The following NAT8L variants were observed in gnomAD, a reference collection of about 807,000 sequenced individuals.
The protein encoded by NAT8L is aspartate N-acetyltransferase.
A neutral mutation model predicts 21.2 loss-of-function variants in NAT8L; 6 were observed. That is an observed-to-expected ratio of 0.28 (90% CI 0.16 to 0.56). The LOEUF is 0.56. Among genes scored for constraint, NAT8L ranks in the 20% least tolerant of loss-of-function variants. NAT8L has a pLI of 0.93. For missense variants in NAT8L, 331 were observed against 433.3 expected (o/e 0.76, Z 2.10); for synonymous variants, 239 against 204.9 (o/e 1.17, Z -1.42).
Position 2,063,197 on chromosome 4 carries a change from G to A in NAT8L, c.542-563G>A, listed in dbSNP as rs183961262. The stretch of plus-strand genomic sequence containing the variant: ...CTGGGCTGCAGGGAGCCTTCTGGAC[G>A]CACTTTGCTGACCCCTGCCCTTTGC... On this transcript the variant is annotated intron_variant, in intron 2 of 2. Coordinates refer to ENST00000423729, the MANE Select transcript of NAT8L (RefSeq NM_178557.4). Among the ~76,000 whole-genome samples, 92 of 152,378 alleles carry A rather than the reference G, an allele frequency of 6.0e-4. 1 individual carries two copies. Among genetic ancestry groups the A allele is most frequent in the Admixed American group, 5.4e-3 (82 of 15,310 alleles).
intron 2 of NAT8L, among the ~76,000 whole-genome samples, chr4:2,062,164 T>C (rs1033694204): frequency 6.6e-6 from 1 of 151,804 alleles, no homozygotes; most frequent in African/African-American, 2.4e-5. Flanking sequence ...CTCCCTGGTG[T>C]GAGGGAGTGG....
Position 2,066,371 on chromosome 4 carries a change from C to CGGG in NAT8L, c.*2246_*2248dup, listed in dbSNP as rs1307072257. 1.3e-5 allele frequency: 2 copies of CGGG among 152,262 alleles called. No homozygotes were observed. The highest frequency in any genetic ancestry group is 2.9e-5 in the Non-Finnish European group (2 of 68,138). 9.4% of individuals were successfully genotyped at this position (152,262 alleles called of 1,614,324 possible). On this transcript the variant is annotated 3_prime_UTR_variant, in exon 3 of 3. Coordinates refer to ENST00000423729, the MANE Select transcript of NAT8L (RefSeq NM_178557.4). ...TGGTAGAGATGGCAGGAAGGGTGTG[C>CGGG]GGGGTGGTTGTGTGCAGAACCCTGC...
intron 2 of NAT8L, among the ~76,000 whole-genome samples, chr4:2,062,201 CA>C (rs751712373): frequency 1.3e-5 from 2 of 152,158 alleles, no homozygotes; most frequent in Non-Finnish European, 2.9e-5. Context: ...GCTGCAGGAA[CA>C]CCCCACGAGG....
Position 2,059,768 on chromosome 4 carries a change from C to T in NAT8L, c.257C>T (p.Ala86Val). 1.5e-6 allele frequency: 2 copies of T among 1,337,868 alleles called. No homozygotes were observed. The highest frequency in any genetic ancestry group is 1.5e-5 in the South Asian group (1 of 67,354). 82.9% of individuals were successfully genotyped at this position (1,337,868 alleles called of 1,614,324 possible). Reference sequence around the variant, plus strand: ...GTGTGCATCCGCGAGTTCCGTGCGGCCGAGCAGGAGGCGGCGCGCCGCATC... The same window carrying T: ...GTGTGCATCCGCGAGTTCCGTGCGGTCGAGCAGGAGGCGGCGCGCCGCATC... Reference protein sequence around the residue: ...RGVCIREFRAAEQEAARRIFY... With the variant: ...RGVCIREFRAVEQEAARRIFY... Residue 86 changes from alanine to valine, a missense_variant, in exon 1 of 3, where the codon GCC becomes GTC. Physicochemically the swap from Ala to Val is moderately conservative, Grantham distance 64 (BLOSUM62 0). Transcript: ENST00000423729. The surrounding 1 kb of genome is among the most constrained non-coding windows in gnomAD (Gnocchi z 4.8).
At position 2,065,138 on chromosome 4, in the gene NAT8L, C is replaced by G. The variant is rs1729971761; in HGVS notation, c.*1011C>G. The stretch of plus-strand genomic sequence containing the variant: ...CAAAACGGTAGTTTGTACCCTAAGA[C>G]ACAGTTTCTGGCCCAGTGTGATGGG... On this transcript the variant is annotated 3_prime_UTR_variant, in exon 3 of 3. Coordinates refer to ENST00000423729, the MANE Select transcript of NAT8L (RefSeq NM_178557.4). The G allele has an allele frequency of 6.6e-6, 1 of 152,524 alleles. No individual in the cohort carries two copies. 9.4% of individuals were successfully genotyped at this position (152,524 alleles called of 1,614,324 possible).
At position 2,059,656 on chromosome 4, in the gene NAT8L, G is replaced by A. The variant is rs1729812974; in HGVS notation, c.145G>A (p.Ala49Thr). The change falls in exon 1 of 3, where the codon GCC becomes ACC. Residue 49 changes from alanine to threonine, a missense_variant. Physicochemically the swap from Ala to Thr is moderately conservative, Grantham distance 58. Coordinates refer to ENST00000423729, the MANE Select transcript of NAT8L (RefSeq NM_178557.4). This position sits in a 1 kb window ranked among gnomAD's most constrained non-coding sequence, Gnocchi z 4.8. ...WPPLPAAPGP[A>T]AAPPAPPPAP... ...CCCGCTGCCCGCCGCGCCCGGGCCG[G>A]CCGCCGCGCCCCCCGCGCCCCCACC... 2 of 966,618 alleles carry A rather than the reference G, an allele frequency of 2.1e-6. No individual in the cohort carries two copies. The highest frequency in any genetic ancestry group is 2.5e-6 in the Non-Finnish European group (2 of 816,012). 59.9% of individuals were successfully genotyped at this position (966,618 alleles called of 1,614,324 possible).
rs555529342 is a variant in NAT8L, at chr4:2,064,194, G to A, written c.*67G>A. The A allele has an allele frequency of 1.4e-4, 151 of 1,101,578 alleles. No individual in the cohort carries two copies. Among genetic ancestry groups the A allele is most frequent in the Non-Finnish European group, 1.6e-4 (143 of 888,064 alleles). The allele number at this position is 1,101,578 out of a possible 1,614,324, so 68.2% of individuals were successfully genotyped here. Reference sequence around the variant, plus strand: ...GCCTTTGCCCGCCTGCCCGCCGCCCGGCGCGGCCTGCTTTCAGACGCTCAA... The same window carrying A: ...GCCTTTGCCCGCCTGCCCGCCGCCCAGCGCGGCCTGCTTTCAGACGCTCAA... On this transcript the variant is annotated 3_prime_UTR_variant, in exon 3 of 3. Coordinates refer to ENST00000423729, the MANE Select transcript of NAT8L (RefSeq NM_178557.4).
rs377569368 is a variant in NAT8L at position 2,061,180 on chromosome 4, C to G, written c.541+18C>G. 23 of 1,610,230 alleles carry G rather than the reference C, an allele frequency of 1.4e-5. No homozygotes were observed. In the South Asian group the frequency reaches 2.3e-4, roughly 16 times the overall value. On this transcript the variant is annotated intron_variant, in intron 2 of 2. Coordinates refer to ENST00000423729, the MANE Select transcript of NAT8L (RefSeq NM_178557.4). ...GCCGCCCGGTGAGTCCCGCTCCCGCCGCTCCCCGACCTCCGCCCCAGACAG... is the reference window on the plus strand; with the variant it reads ...GCCGCCCGGTGAGTCCCGCTCCCGCGGCTCCCCGACCTCCGCCCCAGACAG...
chr4:2,061,277 G>T, intron 2 of NAT8L, 115 bp downstream of exon 2: 1 of 1,516,780 alleles, frequency 6.6e-7, no homozygotes, highest in Non-Finnish European at 8.8e-7. Context: ...GGCCTGAGCC[G>T]GGGCCCCTGT....
rs775678093 is a variant in NAT8L at position 2,063,374 on chromosome 4, G to A, written c.542-386G>A. Among the ~76,000 whole-genome samples the A allele has an allele frequency of 9.6e-4, 147 of 152,384 alleles. 3 individuals carry two copies. The highest frequency in any genetic ancestry group is 3.4e-3 in the Middle Eastern group (1 of 294). On this transcript the variant is annotated intron_variant, in intron 2 of 2. Coordinates refer to ENST00000423729, the MANE Select transcript of NAT8L (RefSeq NM_178557.4). ...TGGGAGTAGCTGGGCAGAGGGCAGC[G>A]GCCTGACTGGGCAAAGCCTGCCCCA...
At chr4:2,061,586 CA>C (rs1172154609) in intron 2 of NAT8L, among the ~76,000 whole-genome samples, 1 of 151,982 alleles carries the variant, frequency 6.6e-6, no homozygotes, top group African/African-American at 2.4e-5. Flanking sequence ...GGGGTGGGGG[CA>C]GGGGACCTGA....
At chr4:2,062,014 CAG>C (rs1729903439) in intron 2 of NAT8L, among the ~76,000 whole-genome samples, 1 of 152,192 alleles carries the variant, frequency 6.6e-6, no homozygotes. Context: ...TAAACCCAAA[CAG>C]AGCATCTGAG....
Position 2,067,188 on chromosome 4 carries a change from A to C in NAT8L, c.*3061A>C, listed in dbSNP as rs1280578753. 2 of 152,364 alleles carry C rather than the reference A, an allele frequency of 1.3e-5. No individual in the cohort carries two copies. The highest frequency in any genetic ancestry group is 3.9e-4 in the East Asian group (2 of 5,194). The allele number at this position is 152,364 out of a possible 1,614,324, so 9.4% of individuals were successfully genotyped here. ...CTGAGCGTAGGGAGTTGAGCCCCGC[A>C]GCCGTGGCGGCATCTCCTCCTCCTT... On this transcript the variant is annotated 3_prime_UTR_variant, in exon 3 of 3. Transcript: ENST00000423729.
chr4:2,063,729 C>T lies in NAT8L; in HGVS notation c.542-31C>T, dbSNP rs369992811. 3.3e-5 allele frequency: 53 copies of T among 1,607,670 alleles called. No individual in the cohort carries two copies. In the African/African-American group the frequency reaches 3.6e-4, roughly 11 times the overall value. ...GAGGGGTCTCCCCAGCCTTCCTCAC[C>T]GGGTGTCCCTGACCGCCCTATCCCC... On this transcript the variant is annotated intron_variant, in intron 2 of 2. Transcript: ENST00000423729.
In NAT8L at chr4:2,061,017, C is replaced by T. The variant is rs1298962450; in HGVS notation, c.396C>T (p.Ser132=). 1 of 1,557,276 alleles carries T rather than the reference C, an allele frequency of 6.4e-7. No individual in the cohort carries two copies. The highest frequency in any genetic ancestry group is 1.2e-5 in the South Asian group (1 of 85,314). ...CCCCAGCGCTGTGCTTCGCCGTGAG[C>T]CGCTCGCTGCTGCTGACGTGCCTGG... ...ALLAALCFAV[S]RSLLLTCLVP... is the part of the protein sequence containing the mutation. The change falls in exon 2 of 3, where the codon AGC becomes AGT. Residue 132 remains serine, a synonymous_variant. Transcript: ENST00000423729.
Position 2,059,825 on chromosome 4 carries a change from A to C in NAT8L, c.314A>C (p.Asn105Thr). The C allele has an allele frequency of 1.4e-6, 2 of 1,392,658 alleles. No homozygotes were observed. The highest frequency in any genetic ancestry group is 1.9e-6 in the Non-Finnish European group (2 of 1,063,904). The allele number at this position is 1,392,658 out of a possible 1,614,324, so 86.3% of individuals were successfully genotyped here. Residue 105 changes from asparagine (N) to threonine (T), a missense_variant, in exon 1 of 3, where the codon AAC becomes ACC. Transcript: ENST00000423729. This position sits in a 1 kb window ranked among gnomAD's most constrained non-coding sequence, Gnocchi z 4.8. ...GACGGCATCATGGAGCGCATCCCTAACACGGCCTTCCGCGGCCTGCGGCAG... is the reference window on the plus strand; with the variant it reads ...GACGGCATCATGGAGCGCATCCCTACCACGGCCTTCCGCGGCCTGCGGCAG... ...FYDGIMERIP[N>T]TAFRGLRQHP...
rs1171269692 is a variant in NAT8L, at chr4:2,060,006, C to A, written c.376+119C>A. The A allele has an allele frequency of 4.7e-5, 24 of 506,068 alleles. No individual in the cohort carries two copies. In the African/African-American group the frequency reaches 4.8e-4, roughly 10 times the overall value. The allele number at this position is 506,068 out of a possible 1,614,324, so 31.3% of individuals were successfully genotyped here. On this transcript the variant is annotated intron_variant, in intron 1 of 2. Coordinates refer to ENST00000423729, the MANE Select transcript of NAT8L (RefSeq NM_178557.4). This position sits in a 1 kb window ranked among gnomAD's most constrained non-coding sequence, Gnocchi z 4.7. ...GGGGACCAGCCTGGGAAGCCCCCCGCTTTCTGCCGCGCCGGGCCCCGCGCA... is the reference window on the plus strand; with the variant it reads ...GGGGACCAGCCTGGGAAGCCCCCCGATTTCTGCCGCGCCGGGCCCCGCGCA...
At chr4:2,061,826 T>C (rs1729898143) in intron 2 of NAT8L, among the ~76,000 whole-genome samples, 1 of 152,086 alleles carries the variant, frequency 6.6e-6, no homozygotes, top group Admixed American at 6.5e-5. Flanking sequence ...GGAGGCTCTC[T>C]GCGATCCTGG....
chr4:2,064,118 C>G lies in NAT8L; in HGVS notation c.900C>G (p.Arg300=). 6.3e-7 allele frequency: 1 copy of G among 1,584,264 alleles called. No homozygotes were observed. Among genetic ancestry groups the G allele is most frequent in the Non-Finnish European group, 8.5e-7 (1 of 1,171,818 alleles). The part of the protein sequence containing the change: ...VRYHRYRLQL[R]EE ...ACCACCGCTACCGCCTGCAGCTGCG[C>G]GAGGAGTGACCGCCGCCGCTCGCCC... is the stretch of plus-strand genomic sequence containing the variant. The change falls in exon 3 of 3, where the codon CGC becomes CGG. Residue 300 remains arginine, a synonymous_variant. Transcript: ENST00000423729.
Sources: gnomAD v4.1 joint callset for allele counts (sites outside exome capture counted in the v4.1 genomes callset) on GRCh38, gnomAD v4.1.1 for gene constraint, Gnocchi (gnomAD v3.1) non-coding constraint, MANE v1.5 for transcripts, NCBI Gene and HGNC (gene_info 2026-07-23, HGNC 2026-07-21) for gene names.